TBC1D12: variants seen among roughly 807,000 people sequenced by gnomAD.
TBC1D12 encodes TBC1 domain family member 12.
A neutral mutation model predicts 86.7 loss-of-function variants in TBC1D12; 56 were observed. The ratio of observed to expected loss-of-function variants is 0.65; its 90% CI spans 0.52 to 0.81. TBC1D12 has a LOEUF of 0.81. TBC1D12 is among the 30% of genes least tolerant of loss of function. TBC1D12 has a pLI of 0.00. For synonymous variants in TBC1D12, 421 were observed against 411.7 expected, an observed-to-expected ratio of 1.02 and a Z score of -0.27; for missense variants, 1,023 against 1,038.8, an observed-to-expected ratio of 0.98 and a Z score of 0.21.
intron 3 of TBC1D12, among the ~76,000 whole-genome samples, chr10:94,492,726 T>C (rs1037455516): frequency 4.6e-5 from 7 of 152,184 alleles, no homozygotes; most frequent in Admixed American, 6.6e-5. Flanking sequence ...TCTGTAGTGA[T>C]AGAAATCAAA....
chr10:94,437,948 C>T (rs1005005052), intron 1 of TBC1D12, among the ~76,000 whole-genome samples: 1 of 114,612 alleles, frequency 8.7e-6, no homozygotes, highest in Non-Finnish European at 1.8e-5. Flanking sequence ...TATTACCTTT[C>T]GTTCTTTGTC....
intron 1 of TBC1D12, among the ~76,000 whole-genome samples, chr10:94,404,842 T>A (rs1430593517): frequency 1.3e-5 from 2 of 151,586 alleles, no homozygotes; most frequent in African/African-American, 4.8e-5. Context: ...GAGGTCAGAG[T>A]TCGAGACCAG....
chr10:94,455,745 C>T (rs544225422), intron 2 of TBC1D12, among the ~76,000 whole-genome samples: 3 of 152,206 alleles, frequency 2.0e-5, no homozygotes, highest in South Asian at 2.1e-4. Flanking sequence ...GCCTGGCCGA[C>T]GTGGTGAAAT....
chr10:94,519,555 TACA>T (rs1291011454), intron 9 of TBC1D12, among the ~76,000 whole-genome samples: 2 of 152,070 alleles, frequency 1.3e-5, no homozygotes, highest in Non-Finnish European at 2.9e-5. Context: ...CAAACACACA[TACA>T]ACAACAACAC....
At chr10:94,406,584 C>G (rs886390417) in intron 1 of TBC1D12, among the ~76,000 whole-genome samples, 1 of 152,168 alleles carries the variant, frequency 6.6e-6, no homozygotes, top group Admixed American at 6.5e-5. Context: ...TTCATGGATT[C>G]CCTTTTACTG....
intron 4 of TBC1D12, among the ~76,000 whole-genome samples, chr10:94,496,459 G>A (rs1360777627): frequency 6.6e-6 from 1 of 152,082 alleles, no homozygotes; most frequent in Non-Finnish European, 1.5e-5. Context: ...TACTAATAAT[G>A]CTACTGACAA....
intron 3 of TBC1D12, among the ~76,000 whole-genome samples, chr10:94,483,958 G>A (rs1346431598): frequency 3.3e-5 from 5 of 152,058 alleles, no homozygotes; most frequent in South Asian, 4.1e-4. Flanking sequence ...ATTTTTGTAC[G>A]TGGTGAGAGA....
intron 1 of TBC1D12, among the ~76,000 whole-genome samples, chr10:94,411,625 G>A (rs1193501230): frequency 2.0e-5 from 3 of 152,130 alleles, no homozygotes; most frequent in Non-Finnish European, 4.4e-5. Flanking sequence ...CACAGCCTCC[G>A]CCTAGTCAGA....
At position 94,500,311 on chromosome 10, in the gene TBC1D12, A is replaced by G; in HGVS notation, c.1503A>G (p.Glu501=). The change falls in exon 6 of 13, where the codon GAA becomes GAG. Residue 501 remains glutamate (E), a synonymous_variant. Transcript: ENST00000225235. The stretch of plus-strand genomic sequence containing the variant: ...TTTGGAGTCTAGCTGTAGGAAATGA[A>G]CTAAATATCACTCCTGGTTTGTATT... The part of the protein sequence containing the change: ...GKVWSLAVGN[E]LNITPELYEI... 1 of 1,613,740 alleles carries G rather than the reference A, an allele frequency of 6.2e-7. No individual in the cohort carries two copies. Among genetic ancestry groups the G allele is most frequent in the Admixed American group, 1.7e-5 (1 of 59,946 alleles).
intron 9 of TBC1D12, among the ~76,000 whole-genome samples, chr10:94,514,647 T>C (rs2056567096): frequency 6.6e-6 from 1 of 152,192 alleles, no homozygotes; most frequent in Non-Finnish European, 1.5e-5. Context: ...ATACACACAC[T>C]CTCTCATCCC....
intron 3 of TBC1D12, among the ~76,000 whole-genome samples, chr10:94,490,348 A>G (rs1282834437): frequency 1.3e-5 from 2 of 152,206 alleles, no homozygotes; most frequent in African/African-American, 4.8e-5. Context: ...GCACCCATAG[A>G]CTTGCTTGAC....
chr10:94,535,018 G>A lies in TBC1D12; in HGVS notation c.*1922G>A, dbSNP rs1842516584. Reference sequence around the variant, plus strand: ...TGTCCAGGGAACATGTTTCCCTTGGGAGGTCTGAACAGAGTGACCTGGCTT... The same window carrying A: ...TGTCCAGGGAACATGTTTCCCTTGGAAGGTCTGAACAGAGTGACCTGGCTT... On this transcript the variant is annotated 3_prime_UTR_variant, in exon 13 of 13. Coordinates refer to ENST00000225235, the MANE Select transcript of TBC1D12 (RefSeq NM_015188.2). 1 of 152,162 alleles carries A rather than the reference G, an allele frequency of 6.6e-6. No homozygotes were observed. Among genetic ancestry groups the A allele is most frequent in the South Asian group, 2.1e-4 (1 of 4,830 alleles). 9.4% of individuals were successfully genotyped at this position (152,162 alleles called of 1,614,324 possible). A position where few individuals can be genotyped will look rare whatever the true frequency, so the allele number is the denominator to read the frequency against.
At chr10:94,452,695 C>T (rs990976265) in intron 2 of TBC1D12, among the ~76,000 whole-genome samples, 1 of 152,154 alleles carries the variant, frequency 6.6e-6, no homozygotes, top group African/African-American at 2.4e-5. Context: ...TACTGAAGGA[C>T]GTCTTAGTTG....
At chr10:94,505,400 G>T (rs1301114246) in intron 6 of TBC1D12, among the ~76,000 whole-genome samples, 1 of 152,094 alleles carries the variant, frequency 6.6e-6, no homozygotes, top group African/African-American at 2.4e-5. Flanking sequence ...CCAACATGGT[G>T]AAACCATGAC....
At chr10:94,434,934 T>C (rs906612186) in intron 1 of TBC1D12, among the ~76,000 whole-genome samples, 6 of 152,174 alleles carry the variant, frequency 3.9e-5, no homozygotes, top group African/African-American at 1.4e-4. Context: ...TACTGTTGCA[T>C]TGAGGATTAA....
At chr10:94,409,131 C>T (rs1053465098) in intron 1 of TBC1D12, among the ~76,000 whole-genome samples, 2 of 152,002 alleles carry the variant, frequency 1.3e-5, no homozygotes, top group Non-Finnish European at 2.9e-5. Context: ...CCTCAGATCC[C>T]GTATTTTCTT....
intron 2 of TBC1D12, among the ~76,000 whole-genome samples, chr10:94,448,903 A>G (rs1468598517): frequency 6.6e-6 from 1 of 152,112 alleles, no homozygotes; most frequent in Non-Finnish European, 1.5e-5. Context: ...TTCTTTATTG[A>G]TGGTTGATAA....
intron 2 of TBC1D12, among the ~76,000 whole-genome samples, chr10:94,447,021 C>T (rs957705095): frequency 5.1e-5 from 7 of 138,024 alleles, no homozygotes; most frequent in Non-Finnish European, 9.1e-5. Flanking sequence ...TGCAGTGAGC[C>T]GAGGTCGTGC....
chr10:94,510,070 G>T (rs763100649), intron 7 of TBC1D12, 21 bp from the exon 8 acceptor site: 1 of 1,580,890 alleles, frequency 6.3e-7, no homozygotes, highest in Non-Finnish European at 8.6e-7. Flanking sequence ...CATTTAAATT[G>T]TATCTGCTTG....
Sources: gnomAD v4.1 joint callset for allele counts (sites outside exome capture counted in the v4.1 genomes callset) on GRCh38, gnomAD v4.1.1 for gene constraint, MANE v1.5 for transcripts, NCBI Gene and HGNC (gene_info 2026-07-23, HGNC 2026-07-21) for gene names.